SOX6: variants seen among roughly 807,000 people sequenced by gnomAD.
SOX6 encodes transcription factor SOX-6.
A neutral mutation model predicts 97.8 loss-of-function variants in SOX6; 11 were observed. That is an observed-to-expected ratio of 0.11 (90% CI 0.07 to 0.19). The LOEUF is 0.19. Ranked by LOEUF, SOX6 falls within the 10% of genes least tolerant of loss-of-function variation. The probability of loss-of-function intolerance (pLI) is 1.00; values close to 1 mark genes in which losing one functional copy is unlikely to be tolerated. For missense variants in SOX6, 810 were observed against 1,039.5 expected (o/e 0.78, Z 3.04); for synonymous variants, 360 against 371.4 (o/e 0.97, Z 0.35).
At chr11:16,505,941 C>T (rs749698533) in intron 4 of SOX6, among the ~76,000 whole-genome samples, 1 of 152,238 alleles carries the variant, frequency 6.6e-6, no homozygotes, top group Non-Finnish European at 1.5e-5. Flanking sequence ...ATGGAAACAA[C>T]TGGATGTCCA....
intron 13 of SOX6, among the ~76,000 whole-genome samples, chr11:16,010,448 C>T (rs1029112587): frequency 1.3e-5 from 2 of 151,836 alleles, no homozygotes; most frequent in African/African-American, 4.8e-5. Context: ...TTCACTATGC[C>T]CCAAATCAAA....
chr11:16,172,940 G>A (rs1284538127), intron 6 of SOX6, among the ~76,000 whole-genome samples: 1 of 151,874 alleles, frequency 6.6e-6, no homozygotes, highest in Non-Finnish European at 1.5e-5. Flanking sequence ...TTACATAAGA[G>A]TGAGAAGAAC....
At chr11:16,210,491 G>A (rs540491691) in intron 4 of SOX6, among the ~76,000 whole-genome samples, 6 of 152,260 alleles carry the variant, frequency 3.9e-5, no homozygotes, top group East Asian at 3.9e-4. Context: ...GAGTTGTGAC[G>A]AAATGGGAAG....
At chr11:16,317,941 T>A in intron 3 of SOX6, 1 of 451,752 alleles carries the variant, frequency 2.2e-6, no homozygotes, top group Non-Finnish European at 4.5e-6. Context: ...ATGTCATGTA[T>A]CAAAGAAGTC....
intron 1 of SOX6, among the ~76,000 whole-genome samples, chr11:16,454,402 T>C (rs528418591): frequency 7.2e-4 from 109 of 152,218 alleles, no homozygotes; most frequent in Non-Finnish European, 1.1e-3. Flanking sequence ...AGAAGACTTA[T>C]TAGCAAAGCA....
chr11:16,518,431 T>A (rs1861008009), intron 4 of SOX6, among the ~76,000 whole-genome samples: 1 of 152,216 alleles, frequency 6.6e-6, no homozygotes, highest in Non-Finnish European at 1.5e-5. Flanking sequence ...CTTTATACTT[T>A]GCTTAGACAG....
chr11:16,372,081 A>T (rs1262768943), intron 1 of SOX6, among the ~76,000 whole-genome samples: 4 of 152,106 alleles, frequency 2.6e-5, no homozygotes, highest in Non-Finnish European at 5.9e-5. Flanking sequence ...GTGTACTGAA[A>T]GCAAGAATCA....
At chr11:16,467,781 CTTAAAAG>C (rs1041597164) in intron 1 of SOX6, among the ~76,000 whole-genome samples, 14 of 151,584 alleles carry the variant, frequency 9.2e-5, no homozygotes, top group African/African-American at 3.4e-4. Flanking sequence ...TACCCCTGAA[CTTAAAAG>C]TTAAAAACAA....
intron 4 of SOX6, among the ~76,000 whole-genome samples, chr11:16,521,207 A>G (rs984071843): frequency 8.5e-5 from 13 of 152,286 alleles, no homozygotes; most frequent in Non-Finnish European, 1.9e-4. Context: ...CTGAACCCCG[A>G]GCAGCCTAAC....
chr11:16,590,588 A>G (rs1356044997), intron 4 of SOX6, among the ~76,000 whole-genome samples: 1 of 152,176 alleles, frequency 6.6e-6, no homozygotes, highest in Non-Finnish European at 1.5e-5. Context: ...AATGTGGTAC[A>G]TATTCACAAT....
intron 3 of SOX6, chr11:16,316,221 T>G (rs1855755281): frequency 6.6e-6 from 1 of 152,012 alleles, no homozygotes; most frequent in Non-Finnish European, 1.5e-5. Flanking sequence ...CTATTAAATT[T>G]TATCTTGGTA....
At chr11:16,664,571 G>A (rs1173441243) in intron 3 of SOX6, among the ~76,000 whole-genome samples, 2 of 152,192 alleles carry the variant, frequency 1.3e-5, no homozygotes, top group Non-Finnish European at 1.5e-5. Flanking sequence ...TACCACTGCA[G>A]GCTAATGTCC....
chr11:16,296,886 T>C (rs1480523600), intron 3 of SOX6, among the ~76,000 whole-genome samples: 1 of 152,006 alleles, frequency 6.6e-6, no homozygotes, highest in Non-Finnish European at 1.5e-5. Flanking sequence ...TAGTGGAATC[T>C]TCAGAGGATA....
chr11:16,008,882 T>C (rs1854633772), intron 13 of SOX6, among the ~76,000 whole-genome samples: 3 of 152,034 alleles, frequency 2.0e-5, no homozygotes, highest in Non-Finnish European at 2.9e-5. Flanking sequence ...ACTCTGCTTA[T>C]ATCCCAGCCT....
chr11:16,299,021 C>G (rs1855176243), intron 3 of SOX6, among the ~76,000 whole-genome samples: 1 of 152,010 alleles, frequency 6.6e-6, no homozygotes. Context: ...GCAATATTTT[C>G]TTTTATTGTG....
intron 4 of SOX6, among the ~76,000 whole-genome samples, chr11:16,194,222 A>G (rs1851710588): frequency 2.6e-5 from 4 of 152,212 alleles, no homozygotes. Flanking sequence ...GCCCTAGTGC[A>G]TCATAAAGAT....
chr11:16,635,249 A>ACT (rs1223355291), intron 3 of SOX6, among the ~76,000 whole-genome samples: 1 of 152,124 alleles, frequency 6.6e-6, no homozygotes, highest in Non-Finnish European at 1.5e-5. Context: ...AATGTGAGAA[A>ACT]CTCTGGAGGT....
intron 1 of SOX6, among the ~76,000 whole-genome samples, chr11:16,415,107 A>G (rs1858900336): frequency 6.6e-6 from 1 of 152,180 alleles, no homozygotes; most frequent in East Asian, 1.9e-4. Flanking sequence ...CAAATGAGTA[A>G]GAAAATATGA....
At chr11:16,278,055 T>C (rs1854450500) in intron 3 of SOX6, among the ~76,000 whole-genome samples, 1 of 152,182 alleles carries the variant, frequency 6.6e-6, no homozygotes, top group Admixed American at 6.5e-5. Flanking sequence ...CTCTTAGTGA[T>C]TGATAGGATC....
Sources: gnomAD v4.1 joint callset for allele counts (sites outside exome capture counted in the v4.1 genomes callset) on GRCh38, gnomAD v4.1.1 for gene constraint, MANE v1.5 for transcripts, NCBI Gene and HGNC (gene_info 2026-07-23, HGNC 2026-07-21) for gene names.